Variants in BCAS3 observed in about 807,000 individuals in gnomAD.
The protein encoded by BCAS3 is BCAS3 microtubule associated cell migration factor.
Under a neutral mutation model 116.1 loss-of-function variants are expected in BCAS3, and 53 were observed. That is an observed-to-expected ratio of 0.46 (90% CI 0.37 to 0.57). BCAS3 has a LOEUF of 0.57. Ranked by LOEUF, BCAS3 falls within the 20% of genes least tolerant of loss-of-function variation. The pLI is 0.00. For synonymous variants in BCAS3, 391 were observed against 408.2 expected, an observed-to-expected ratio of 0.96 and a Z score of 0.51; for missense variants, 917 against 1,165.4, an observed-to-expected ratio of 0.79 and a Z score of 3.10.
chr17:61,301,536 C>T (rs968501776), intron 22 of BCAS3, among the ~76,000 whole-genome samples: 1 of 152,070 alleles, frequency 6.6e-6, no homozygotes, highest in Non-Finnish European at 1.5e-5. Context: ...ACTGAGGAGG[C>T]TGGGTCAGGA....
chr17:61,173,504 T>C lies in BCAS3; in HGVS notation c.2425+88940T>C, dbSNP rs548484592. ...GAAAATTAAAACATATCAAAATTTG[T>C]GAGACACGCTAAAACAGTACTTAGA... On this transcript the variant is annotated intron_variant, in intron 22 of 23. Coordinates refer to ENST00000407086, the MANE Select transcript of BCAS3 (RefSeq NM_017679.5). Among the ~76,000 whole-genome samples, 4 of 151,814 alleles carry C rather than the reference T, an allele frequency of 2.6e-5. No homozygotes were observed. In the South Asian group the frequency reaches 6.2e-4, roughly 24 times the overall value.
chr17:61,316,102 C>A lies in BCAS3; in HGVS notation c.2426-52225C>A, dbSNP rs533168550. Among the ~76,000 whole-genome samples, 17 of 152,052 alleles carry A rather than the reference C, an allele frequency of 1.1e-4. No individual in the cohort carries two copies. The highest frequency in any genetic ancestry group is 4.1e-4 in the African/African-American group (17 of 41,472). On this transcript the variant is annotated intron_variant, in intron 22 of 23. Transcript: ENST00000407086. The surrounding 1 kb of genome is among the most constrained non-coding windows in gnomAD (Gnocchi z 5.8). ...GGTGGATCACCTGAGGTCAGGAGTT[C>A]GAAACCAGCCTGGCCAACATGGCGA...
chr17:61,312,532 C>A (rs567224142), intron 22 of BCAS3, among the ~76,000 whole-genome samples: 43 of 152,330 alleles, frequency 2.8e-4, no homozygotes, highest in Non-Finnish European at 4.9e-4. Context: ...ACGTTCATGT[C>A]TTCTTGCTCC....
intron 22 of BCAS3, among the ~76,000 whole-genome samples, chr17:61,101,910 C>T (rs2074350560): frequency 2.0e-5 from 3 of 152,076 alleles, no homozygotes; most frequent in Admixed American, 1.3e-4. Context: ...ATCTGCAAAA[C>T]GGTGACTAGG....
intron 7 of BCAS3, chr17:60,810,990 T>A: frequency 1.5e-6 from 1 of 666,166 alleles, no homozygotes; most frequent in Non-Finnish European, 2.8e-6. Flanking sequence ...CTCAGCAGAT[T>A]GAAGAGAGCA....
intron 9 of BCAS3, among the ~76,000 whole-genome samples, chr17:60,881,431 ATTGT>A (rs1009830451): frequency 6.6e-6 from 1 of 151,802 alleles, no homozygotes; most frequent in Non-Finnish European, 1.5e-5. Context: ...TAAGAATTTA[ATTGT>A]TTAACTTTTT....
chr17:61,325,172 C>T lies in BCAS3; in HGVS notation c.2426-43155C>T, dbSNP rs1214059874. Among the ~76,000 whole-genome samples, 1 of 152,226 alleles carries T rather than the reference C, an allele frequency of 6.6e-6. No individual in the cohort carries two copies. The highest frequency in any genetic ancestry group is 2.4e-5 in the African/African-American group (1 of 41,460). ...GACTCTGTGTCTCTGTGGACCACAA[C>T]AGGACCACAGGCTGTTACACAGTTA... On this transcript the variant is annotated intron_variant, in intron 22 of 23. Transcript: ENST00000407086. This position sits in a 1 kb window ranked among gnomAD's most constrained non-coding sequence, Gnocchi z 6.4.
At chr17:61,284,496 C>T (rs932064425) in intron 22 of BCAS3, among the ~76,000 whole-genome samples, 3 of 152,216 alleles carry the variant, frequency 2.0e-5, no homozygotes, top group African/African-American at 7.2e-5. Flanking sequence ...AACTGTAACA[C>T]TCATCGCGAG....
chr17:61,272,679 C>T (rs1485537956), intron 22 of BCAS3, among the ~76,000 whole-genome samples: 4 of 128,892 alleles, frequency 3.1e-5, no homozygotes, highest in Non-Finnish European at 3.2e-5. Context: ...CAATTTTGAT[C>T]ATCTCTCCTC....
intron 22 of BCAS3, among the ~76,000 whole-genome samples, chr17:61,329,830 T>TA (rs908291904): frequency 2.6e-5 from 4 of 152,128 alleles, no homozygotes; most frequent in African/African-American, 9.7e-5. Context: ...TTGCTGCACT[T>TA]ATCCATGAAG....
At chr17:61,170,866 C>T (rs8081749) in intron 22 of BCAS3, among the ~76,000 whole-genome samples, 8 of 152,044 alleles carry the variant, frequency 5.3e-5, no homozygotes, top group African/African-American at 1.9e-4. Flanking sequence ...TAGAGATCTA[C>T]AGAGGACATC....
intron 22 of BCAS3, among the ~76,000 whole-genome samples, chr17:61,170,220 G>A (rs1289355079): frequency 6.6e-6 from 1 of 151,756 alleles, no homozygotes; most frequent in Non-Finnish European, 1.5e-5. Flanking sequence ...AATAAATGCA[G>A]GCACCAGACT....
At chr17:60,687,065 A>G (rs1437687882) in intron 3 of BCAS3, among the ~76,000 whole-genome samples, 1 of 152,222 alleles carries the variant, frequency 6.6e-6, no homozygotes, top group African/African-American at 2.4e-5. Flanking sequence ...AACATACAGA[A>G]TGACACCTAC....
At chr17:60,708,558 T>A (rs2037469489) in intron 4 of BCAS3, among the ~76,000 whole-genome samples, 1 of 151,456 alleles carries the variant, frequency 6.6e-6, no homozygotes, top group Non-Finnish European at 1.5e-5. Context: ...CGAGACGGAG[T>A]CTTGCTGTGT....
chr17:61,201,023 A>T (rs1180133869), intron 22 of BCAS3, among the ~76,000 whole-genome samples: 8 of 152,252 alleles, frequency 5.3e-5, no homozygotes, highest in South Asian at 2.1e-4. Context: ...GTATATATAA[A>T]AAAAAAAAGA....
chr17:61,201,366 G>A (rs1235980908), intron 22 of BCAS3, among the ~76,000 whole-genome samples: 1 of 152,230 alleles, frequency 6.6e-6, no homozygotes, highest in African/African-American at 2.4e-5. Flanking sequence ...AGCTGCATAA[G>A]CGGGCAAAGA....
At position 61,239,783 on chromosome 17, in the gene BCAS3, C is replaced by G. The variant is rs1209617148; in HGVS notation, c.2426-128544C>G. Among the ~76,000 whole-genome samples, 1 of 152,084 alleles carries G rather than the reference C, an allele frequency of 6.6e-6. No individual in the cohort carries two copies. Among genetic ancestry groups the G allele is most frequent in the East Asian group, 1.9e-4 (1 of 5,196 alleles). On this transcript the variant is annotated intron_variant, in intron 22 of 23. Transcript: ENST00000407086. This position sits in a 1 kb window ranked among gnomAD's most constrained non-coding sequence, Gnocchi z 4.2. The stretch of plus-strand genomic sequence containing the variant: ...GGTGCAACTTATTCTGGAGTTGATA[C>G]CAGTTGGAATAGTAAAGACCAAAGG...
In BCAS3 at chr17:60,960,794, T is replaced by A. The variant is rs1173464479; in HGVS notation, c.1221+13442T>A. The stretch of plus-strand genomic sequence containing the variant: ...CTTCTTCTTTTTCTTTTTTTTTTTT[T>A]AATCATGCCTTTGTGCCTTTCAGTC... On this transcript the variant is annotated intron_variant, in intron 14 of 23. Coordinates refer to ENST00000407086, the MANE Select transcript of BCAS3 (RefSeq NM_017679.5). The surrounding 1 kb of genome is among the most constrained non-coding windows in gnomAD (Gnocchi z 4.1). 1.3e-5 allele frequency among the ~76,000 whole-genome samples: 2 copies of A among 151,404 alleles called. No homozygotes were observed. Among genetic ancestry groups the A allele is most frequent in the African/African-American group, 2.4e-5 (1 of 40,988 alleles).
intron 10 of BCAS3, among the ~76,000 whole-genome samples, chr17:60,896,013 T>A (rs1259728299): frequency 6.6e-6 from 1 of 152,212 alleles, no homozygotes; most frequent in Admixed American, 6.5e-5. Context: ...TAAGAGTCTA[T>A]TAGGTCCATT....
Sources: gnomAD v4.1 joint callset for allele counts (sites outside exome capture counted in the v4.1 genomes callset) on GRCh38, gnomAD v4.1.1 for gene constraint, Gnocchi (gnomAD v3.1) non-coding constraint, MANE v1.5 for transcripts, NCBI Gene and HGNC (gene_info 2026-07-23, HGNC 2026-07-21) for gene names.